The following RTN4 variants were observed in gnomAD, a reference collection of about 807,000 sequenced individuals.
RTN4 encodes the protein reticulon 4.
In RTN4, 32 loss-of-function variants were observed where a neutral mutation model predicts 90.4. The observed-to-expected ratio is 0.35, with a 90% CI of 0.27 to 0.48. RTN4 has a LOEUF of 0.48. Ranked by LOEUF, RTN4 falls within the 20% of genes least tolerant of loss-of-function variation. RTN4 has a pLI of 0.99. For synonymous variants in RTN4, 629 were observed against 552.5 expected, an observed-to-expected ratio of 1.14 and a Z score of -1.94; for missense variants, 1,706 against 1,430.2, an observed-to-expected ratio of 1.19 and a Z score of -3.11.
intron 1 of RTN4, among the ~76,000 whole-genome samples, chr2:55,097,513 C>T (rs981448297): frequency 2.0e-5 from 3 of 152,070 alleles, no homozygotes; most frequent in Non-Finnish European, 4.4e-5. Flanking sequence ...TTGGAAGACA[C>T]TTGCTATTGC....
chr2:54,986,557 T>C (rs1422701711), intron 4 of RTN4, among the ~76,000 whole-genome samples: 2 of 152,128 alleles, frequency 1.3e-5, no homozygotes, highest in Non-Finnish European at 2.9e-5. Flanking sequence ...AGAACAAAAT[T>C]TTGTGATTTT....
rs200273488 is a variant in RTN4 at position 55,050,034 on chromosome 2, C to A, written c.267G>T (p.Ala89=). The A allele has an allele frequency of 5.0e-6, 7 of 1,397,072 alleles. No individual in the cohort carries two copies. In the East Asian group the frequency reaches 2.0e-4, roughly 41 times the overall value. 86.5% of individuals were successfully genotyped at this position (1,397,072 alleles called of 1,614,324 possible). The change falls in exon 1 of 9, where the codon GCG becomes GCT. Residue 89 remains alanine (A), a synonymous_variant. Coordinates refer to ENST00000337526, the MANE Select transcript of RTN4 (RefSeq NM_020532.5). The surrounding 1 kb of genome is among the most constrained non-coding windows in gnomAD (Gnocchi z 4.6). ...GAGCGGCCGGCAGGGGTCCCCGGGG[C>A]GCCGGCGGCACGAAGTCATTTCCGA... is the stretch of plus-strand genomic sequence containing the variant. ...MDFGNDFVPP[A]PRGPLPAAPP...
chr2:55,132,379 T>C, the RTN4 span, among the ~76,000 whole-genome samples: 1 of 151,836 alleles, frequency 6.6e-6, no homozygotes, highest in Non-Finnish European at 1.5e-5. Context: ...GGCACACATC[T>C]GTAATCCCAG....
chr2:55,128,520 TC>T, the RTN4 span, among the ~76,000 whole-genome samples: 53 of 151,986 alleles, frequency 3.5e-4, no homozygotes, highest in Non-Finnish European at 5.3e-4. Context: ...CCAGATTCTG[TC>T]CCCTGGGGAC....
chr2:54,973,666 T>G, intron 7 of RTN4, 45 bp from the exon 8 acceptor site: 1 of 1,530,776 alleles, frequency 6.5e-7, no homozygotes, highest in Non-Finnish European at 9.1e-7. Flanking sequence ...CTAAAGAATC[T>G]TATTAACCAC....
chr2:55,025,106 G>A lies in RTN4; in HGVS notation c.2993C>T (p.Ala998Val). The change falls in exon 3 of 9, where the codon GCA (alanine) becomes GTA (valine). Residue 998 changes from alanine (A) to valine (V), a missense_variant. Coordinates refer to ENST00000337526, the MANE Select transcript of RTN4 (RefSeq NM_020532.5). ...EDRSPSAIFS[A>V]ELSKTSVVDL... ...ATTACCTGAAGTTTTACTCAGCTCT[G>A]CTGAAAATATAGCAGATGGTGATCT... 1 of 1,608,446 alleles carries A rather than the reference G, an allele frequency of 6.2e-7. No homozygotes were observed. The highest frequency in any genetic ancestry group is 8.5e-7 in the Non-Finnish European group (1 of 1,177,238).
chr2:55,052,707 T>TA (rs1012559403), upstream of RTN4, among the ~76,000 whole-genome samples: 3 of 152,198 alleles, frequency 2.0e-5, no homozygotes, highest in African/African-American at 7.2e-5. Context: ...TCAAAAATTA[T>TA]AAAAAATTTG....
intron 1 of RTN4, among the ~76,000 whole-genome samples, chr2:55,099,552 AT>A (rs1667814241): frequency 6.6e-6 from 1 of 152,066 alleles, no homozygotes; most frequent in Non-Finnish European, 1.5e-5. Context: ...GACATGGGAA[AT>A]GGTATTTCAG....
chr2:55,120,551 A>C, the RTN4 span, among the ~76,000 whole-genome samples: 1 of 151,996 alleles, frequency 6.6e-6, no homozygotes. Flanking sequence ...GAGATCTTTA[A>C]CAACTTGAAC....
At chr2:55,037,270 T>C (rs1199878800) in intron 1 of RTN4, among the ~76,000 whole-genome samples, 1 of 152,238 alleles carries the variant, frequency 6.6e-6, no homozygotes, top group Non-Finnish European at 1.5e-5. Flanking sequence ...GGTTGAAAGA[T>C]ATAATATTGT....
intron 1 of RTN4, among the ~76,000 whole-genome samples, chr2:55,046,314 A>T (rs1667722971): frequency 6.6e-6 from 1 of 152,184 alleles, no homozygotes; most frequent in Non-Finnish European, 1.5e-5. Context: ...AAACATTTTT[A>T]CCATTGCCTG....
chr2:55,116,875 CTTT>C (rs67265925), upstream of RTN4, among the ~76,000 whole-genome samples: 1 of 126,718 alleles, frequency 7.9e-6, no homozygotes. Context: ...TCTTTTTTTC[CTTT>C]TTTTTTTTTT....
intron 5 of RTN4, among the ~76,000 whole-genome samples, chr2:54,977,610 T>A (rs1450696091): frequency 6.6e-6 from 1 of 152,146 alleles, no homozygotes; most frequent in Admixed American, 6.5e-5. Context: ...CAGACTCAAT[T>A]AGCCCAAAAG....
At position 55,025,660 on chromosome 2, in the gene RTN4, G is replaced by C. The variant is rs1233504009; in HGVS notation, c.2439C>G (p.Thr813=). 12 of 1,613,644 alleles carry C rather than the reference G, an allele frequency of 7.4e-6. No homozygotes were observed. The highest frequency in any genetic ancestry group is 1.0e-5 in the Non-Finnish European group (12 of 1,179,766). The part of the protein sequence containing the change: ...FKLSLDNTKD[T]LLPDEVSTLS... ...ATGTTGAAACTTCATCAGGTAACAG[G>C]GTATCTTTTGTGTTATCTAAACTGA... The change falls in exon 3 of 9, where the codon ACC becomes ACG. Residue 813 remains threonine, a synonymous_variant. Coordinates refer to ENST00000337526, the MANE Select transcript of RTN4 (RefSeq NM_020532.5).
intron 5 of RTN4, among the ~76,000 whole-genome samples, chr2:54,976,171 C>T (rs1677617263): frequency 1.3e-5 from 2 of 152,294 alleles, no homozygotes; most frequent in South Asian, 2.1e-4. Context: ...AACGAAGATG[C>T]CCTTAACATG....
chr2:54,997,871 T>C (rs145261757), intron 3 of RTN4, among the ~76,000 whole-genome samples: 176 of 152,328 alleles, frequency 1.2e-3, no homozygotes, highest in African/African-American at 4.1e-3. Flanking sequence ...AATTTCTTAC[T>C]GTAACTAATT....
chr2:55,116,278 T>C (rs1668124233), upstream of RTN4, among the ~76,000 whole-genome samples: 1 of 152,088 alleles, frequency 6.6e-6, no homozygotes, highest in African/African-American at 2.4e-5. Context: ...CTGATAAGAC[T>C]CTGGCTGTGC....
the RTN4 span, among the ~76,000 whole-genome samples, chr2:55,134,966 G>C: frequency 2.0e-5 from 3 of 152,090 alleles, no homozygotes; most frequent in African/African-American, 7.2e-5. Flanking sequence ...GAGCTGGGCT[G>C]TAAGTGTAAA....
intron 1 of RTN4, among the ~76,000 whole-genome samples, chr2:55,084,284 T>C (rs1351085376): frequency 6.7e-6 from 1 of 150,112 alleles, no homozygotes; most frequent in Non-Finnish European, 1.5e-5. Flanking sequence ...TGGCTGTTCC[T>C]GAGTTGCATC....
Sources: allele counts gnomAD v4.1 joint callset (sites outside exome capture counted in the v4.1 genomes callset), GRCh38; gene constraint gnomAD v4.1.1; non-coding constraint Gnocchi (gnomAD v3.1); transcripts MANE v1.5; gene names NCBI Gene and HGNC (gene_info 2026-07-23, HGNC 2026-07-21).